AP4S1: variants seen among roughly 807,000 people sequenced by gnomAD.
AP4S1 encodes the protein AP-4 complex subunit sigma-1.
Under a neutral mutation model 19.8 loss-of-function variants are expected in AP4S1, and 23 were observed. That is an observed-to-expected ratio of 1.16 (90% CI 0.84 to 1.65). AP4S1 has a LOEUF of 1.65. Among genes scored for constraint, AP4S1 ranks in the 40% most tolerant of loss-of-function variants. AP4S1 has a pLI of 0.00. For missense variants in AP4S1, 166 were observed against 172.8 expected (o/e 0.96, Z 0.22); for synonymous variants, 46 against 54.1 (o/e 0.85, Z 0.66).
In AP4S1 at chr14:31,039,811, G is replaced by A. The variant is rs573317084; in HGVS notation, c.-72+14024G>A. Among the ~76,000 whole-genome samples, 398 of 150,506 alleles carry A rather than the reference G, an allele frequency of 2.6e-3. 2 individuals carry two copies. Among genetic ancestry groups the A allele is most frequent in the South Asian group, 5.1e-3 (24 of 4,724 alleles). On this transcript the variant is annotated intron_variant, in intron 1 of 5. Coordinates refer to ENST00000542754, the MANE Select transcript of AP4S1 (RefSeq NM_001128126.3). Reference sequence around the variant, plus strand: ...TCACCGTGTTAGCCAGGATGGTCTCGATCTCCTGACCTCGTGATCCGCCCG... The same window carrying A: ...TCACCGTGTTAGCCAGGATGGTCTCAATCTCCTGACCTCGTGATCCGCCCG...
At chr14:31,057,809 G>A (rs998353299) in intron 1 of AP4S1, among the ~76,000 whole-genome samples, 1 of 151,864 alleles carries the variant, frequency 6.6e-6, no homozygotes, top group Non-Finnish European at 1.5e-5. Flanking sequence ...TGTATTTTTA[G>A]TAGAGAAGGG....
chr14:31,041,555 T>C lies in AP4S1; in HGVS notation c.-72+15768T>C, dbSNP rs868808193. ...TCTCTGCAGTTTCTCCTTTGTAACA[T>C]CACATGCATCATGGCTCATTGCAGC... On this transcript the variant is annotated intron_variant, in intron 1 of 5. Coordinates refer to ENST00000542754, the MANE Select transcript of AP4S1 (RefSeq NM_001128126.3). Among the ~76,000 whole-genome samples the C allele has an allele frequency of 4.6e-5, 7 of 152,326 alleles. No individual in the cohort carries two copies. The South Asian group carries it at 1.0e-3, about 23-fold the overall frequency.
In AP4S1 at chr14:31,071,404, C is replaced by A. The variant is rs146617623; in HGVS notation, c.225+1475C>A. ...AAGATTTTAATCTGGCTAGATTCATCATGGACTTCAAAAAAAAGAAAAAAA... is the reference window on the plus strand; with the variant it reads ...AAGATTTTAATCTGGCTAGATTCATAATGGACTTCAAAAAAAAGAAAAAAA... On this transcript the variant is annotated intron_variant, in intron 3 of 5. Coordinates refer to ENST00000542754, the MANE Select transcript of AP4S1 (RefSeq NM_001128126.3). Among the ~76,000 whole-genome samples, 103 of 152,164 alleles carry A rather than the reference C, an allele frequency of 6.8e-4. No homozygotes were observed. The East Asian group carries it at 0.017, about 25-fold the overall frequency.
chr14:31,088,418 AT>A (rs1267656512), intron 5 of AP4S1, among the ~76,000 whole-genome samples: 1 of 152,156 alleles, frequency 6.6e-6, no homozygotes, highest in Non-Finnish European at 1.5e-5. Flanking sequence ...TTCATATTTA[AT>A]TTTGCATAAG....
Position 31,049,180 on chromosome 14 carries a change from G to A in AP4S1, c.-71-16946G>A, listed in dbSNP as rs187657502. 9.0e-4 allele frequency among the ~76,000 whole-genome samples: 137 copies of A among 151,902 alleles called. No homozygotes were observed. The East Asian group carries it at 0.017, about 18-fold the overall frequency. On this transcript the variant is annotated intron_variant, in intron 1 of 5. Transcript: ENST00000542754. ...TGTAATCCCAACACTTTGGGAGGTC[G>A]AGGCGGGTGGATCATGAGGTCAGGA... is the stretch of plus-strand genomic sequence containing the variant.
At chr14:31,060,167 T>C (rs540414075) in intron 1 of AP4S1, among the ~76,000 whole-genome samples, 1 of 151,834 alleles carries the variant, frequency 6.6e-6, no homozygotes, top group African/African-American at 2.4e-5. Flanking sequence ...CAACACAGGC[T>C]TGAACTGCAC....
chr14:31,026,077 C>G, intron 1 of AP4S1: 1 of 1,530,994 alleles, frequency 6.5e-7, no homozygotes, highest in Non-Finnish European at 8.8e-7. Flanking sequence ...CCGCCCGCCG[C>G]TCCGTTCCCC....
intron 1 of AP4S1, among the ~76,000 whole-genome samples, chr14:31,033,314 AAC>A (rs1242603946): frequency 6.6e-6 from 1 of 152,044 alleles, no homozygotes; most frequent in African/African-American, 2.4e-5. Flanking sequence ...CCCGTGTTCA[AAC>A]AATTCTCCTG....
At chr14:31,026,278 G>A (rs1883923851) in intron 1 of AP4S1, 1 of 1,286,568 alleles carries the variant, frequency 7.8e-7, no homozygotes, top group Non-Finnish European at 9.9e-7. Context: ...GCGGGGCGGA[G>A]GCCGGCCGGG....
chr14:31,061,753 C>G (rs1886450917), intron 1 of AP4S1, among the ~76,000 whole-genome samples: 1 of 152,026 alleles, frequency 6.6e-6, no homozygotes, highest in East Asian at 1.9e-4. Flanking sequence ...AGTGATTCTC[C>G]TGTCTCAGCC....
Position 31,025,790 on chromosome 14 carries a change from A to G in AP4S1, c.-72+3A>G. 7.1e-7 allele frequency: 1 copy of G among 1,406,220 alleles called. No homozygotes were observed. Among genetic ancestry groups the G allele is most frequent in the Non-Finnish European group, 9.6e-7 (1 of 1,043,980 alleles). 87.1% of individuals were successfully genotyped at this position (1,406,220 alleles called of 1,614,324 possible). A position where few individuals can be genotyped will look rare whatever the true frequency, so the allele number is the denominator to read the frequency against. The stretch of plus-strand genomic sequence containing the variant: ...CCATCACAACCTGAGCAGCACAGGT[A>G]GGTTCCGCTCGGCCTCCCAAGGCGC... On this transcript the variant is annotated splice_donor_region_variant and intron_variant, in intron 1 of 5. Transcript: ENST00000542754.
At position 31,064,760 on chromosome 14, in the gene AP4S1, C is replaced by T. The variant is rs183448378; in HGVS notation, c.-71-1366C>T. Among the ~76,000 whole-genome samples the T allele has an allele frequency of 5.9e-5, 9 of 152,244 alleles. No homozygotes were observed. In the East Asian group the frequency reaches 9.7e-4, roughly 16 times the overall value. On this transcript the variant is annotated intron_variant, in intron 1 of 5. Transcript: ENST00000542754. ...TCACTTGAGCCTAAGTGTTCAAGAA[C>T]GGCTGGCAATATAGTGAAACCTCAT...
chr14:31,032,833 C>T (rs1193414812), intron 1 of AP4S1: 1 of 152,142 alleles, frequency 6.6e-6, no homozygotes, highest in Non-Finnish European at 1.5e-5. Context: ...CACGCCCAGC[C>T]TCGTACAGTT....
chr14:31,026,399 T>C, intron 1 of AP4S1: 1 of 398,504 alleles, frequency 2.5e-6, no homozygotes. Flanking sequence ...ACTCACTCAC[T>C]TTAGGGGAAG....
At chr14:31,083,953 T>C (rs1263100024) in intron 5 of AP4S1, among the ~76,000 whole-genome samples, 1 of 152,178 alleles carries the variant, frequency 6.6e-6, no homozygotes, top group Non-Finnish European at 1.5e-5. Flanking sequence ...CAGCTGCAGT[T>C]CCTGCTCCAT....
intron 1 of AP4S1, among the ~76,000 whole-genome samples, chr14:31,058,995 A>G (rs1465796218): frequency 6.6e-6 from 1 of 151,974 alleles, no homozygotes; most frequent in African/African-American, 2.4e-5. Flanking sequence ...TTTCATAATT[A>G]TTTCATCTCC....
At chr14:31,076,870 T>C (rs748102412) in intron 4 of AP4S1, among the ~76,000 whole-genome samples, 2 of 152,222 alleles carry the variant, frequency 1.3e-5, no homozygotes, top group Non-Finnish European at 2.9e-5. Context: ...TTTGGTACCA[T>C]AGGCCTTCCT....
intron 2 of AP4S1, among the ~76,000 whole-genome samples, chr14:31,068,812 CT>C (rs560270049): frequency 1.7e-4 from 25 of 147,744 alleles, no homozygotes; most frequent in Middle Eastern, 3.4e-3. Context: ...TGCTTTGATA[CT>C]TTTTTTTTTA....
intron 2 of AP4S1, among the ~76,000 whole-genome samples, chr14:31,066,727 G>C (rs1886736849): frequency 6.6e-6 from 1 of 152,102 alleles, no homozygotes; most frequent in African/African-American, 2.4e-5. Flanking sequence ...TCAGATGATT[G>C]GTGTAGAGGT....
Sources: gnomAD v4.1 joint callset for allele counts (sites outside exome capture counted in the v4.1 genomes callset) on GRCh38, gnomAD v4.1.1 for gene constraint, MANE v1.5 for transcripts, NCBI Gene and HGNC (gene_info 2026-07-23, HGNC 2026-07-21) for gene names.